The following RYR2 variants were observed in gnomAD, a reference collection of about 807,000 sequenced individuals.
RYR2 encodes the protein cardiac muscle ryanodine receptor-calcium release channel.
RYR2 carries 227 observed loss-of-function variants against 601.1 expected under a neutral mutation model. The observed-to-expected ratio is 0.38, with a 90% CI of 0.34 to 0.42. RYR2 has a LOEUF of 0.42. Among genes scored for constraint, RYR2 ranks in the 10% least tolerant of loss-of-function variants. RYR2 has a pLI of 1.00. For synonymous variants in RYR2, 2,223 were observed against 2,175.1 expected (o/e 1.02, Z -0.61); for missense variants, 4,646 against 6,156.5 (o/e 0.75, Z 8.21).
intron 1 of RYR2, among the ~76,000 whole-genome samples, chr1:237,192,153 A>T (rs1373094330): frequency 6.6e-6 from 1 of 151,066 alleles, no homozygotes; most frequent in Non-Finnish European, 1.5e-5. Flanking sequence ...GCATCACAAT[A>T]CTGCGGCCTC....
At chr1:237,172,431 A>G (rs1677506952) in intron 1 of RYR2, among the ~76,000 whole-genome samples, 1 of 152,144 alleles carries the variant, frequency 6.6e-6, no homozygotes, top group South Asian at 2.1e-4. Context: ...TTTACAGGCC[A>G]TTGTACAGAA....
intron 2 of RYR2, among the ~76,000 whole-genome samples, chr1:237,303,952 T>C (rs530169443): frequency 2.6e-5 from 4 of 152,314 alleles, no homozygotes; most frequent in Non-Finnish European, 1.5e-5. Context: ...TTTTCCTTTT[T>C]TTGTGTAAAT....
At chr1:237,289,230 T>C (rs1031269593) in intron 2 of RYR2, among the ~76,000 whole-genome samples, 1 of 152,164 alleles carries the variant, frequency 6.6e-6, no homozygotes, top group Non-Finnish European at 1.5e-5. Context: ...GCTGGTTTGT[T>C]CTTGCAGCTG....
At chr1:237,513,919 A>G (rs1666162645) in intron 24 of RYR2, among the ~76,000 whole-genome samples, 1 of 152,220 alleles carries the variant, frequency 6.6e-6, no homozygotes, top group Non-Finnish European at 1.5e-5. Context: ...AAATAAACAC[A>G]TTAGGCATAA....
At chr1:237,117,269 G>A (rs943091023) in intron 1 of RYR2, among the ~76,000 whole-genome samples, 2 of 152,108 alleles carry the variant, frequency 1.3e-5, no homozygotes, top group Admixed American at 6.6e-5. Flanking sequence ...CAGGATGGGG[G>A]ACATGGTGGG....
chr1:237,179,055 T>G (rs192176016), intron 1 of RYR2, among the ~76,000 whole-genome samples: 20 of 152,332 alleles, frequency 1.3e-4, no homozygotes, highest in African/African-American at 4.8e-4. Flanking sequence ...AATGTCATCT[T>G]GCTGAATTAT....
In RYR2 at chr1:237,792,151, G is replaced by T; in HGVS notation, c.13610G>T (p.Ser4537Ile). 1.2e-6 allele frequency: 2 copies of T among 1,610,478 alleles called. No individual in the cohort carries two copies. The highest frequency in any genetic ancestry group is 1.7e-6 in the Non-Finnish European group (2 of 1,178,322). The stretch of plus-strand genomic sequence containing the variant: ...GAAGGAAAGGAGCTCCCCACGAGAA[G>T]TTCAAGTGAAAATGCCAAAGTGACA... ...VVEGKELPTR[S>I]SSENAKVTSL... is the part of the protein sequence containing the mutation. Residue 4537 changes from serine (S) to isoleucine (I), a missense_variant, in exon 94 of 105, where the codon AGT (serine) becomes ATT (isoleucine). By Grantham distance (142) the Ser-to-Ile change is moderately radical (BLOSUM62 -2). This residue lies in a region of RYR2 where 364 missense variants were observed against 442.9 expected (regional missense o/e 0.82). Transcript: ENST00000366574.
chr1:237,115,378 G>A (rs1347984753), intron 1 of RYR2, among the ~76,000 whole-genome samples: 1 of 152,144 alleles, frequency 6.6e-6, no homozygotes, highest in Non-Finnish European at 1.5e-5. Context: ...GATCCATAAG[G>A]ACTGCAGAGA....
chr1:237,479,653 C>G (rs755800213), intron 17 of RYR2, among the ~76,000 whole-genome samples: 9 of 152,190 alleles, frequency 5.9e-5, no homozygotes, highest in Non-Finnish European at 1.3e-4. Context: ...TTAGAGCAAA[C>G]AGTTACATCT....
intron 1 of RYR2, among the ~76,000 whole-genome samples, chr1:237,145,785 C>G (rs1673937834): frequency 6.6e-6 from 1 of 152,114 alleles, no homozygotes; most frequent in South Asian, 2.1e-4. Context: ...GCAAGGAATA[C>G]TGGGAAACTG....
chr1:237,587,194 C>T (rs1674620705), intron 29 of RYR2, among the ~76,000 whole-genome samples: 1 of 152,172 alleles, frequency 6.6e-6, no homozygotes, highest in East Asian at 1.9e-4. Flanking sequence ...AATTGCTCTA[C>T]ATAAATCTTA....
chr1:237,312,517 C>A (rs1694680559), intron 2 of RYR2, among the ~76,000 whole-genome samples: 1 of 152,124 alleles, frequency 6.6e-6, no homozygotes, highest in African/African-American at 2.4e-5. Context: ...GCGAAGATGA[C>A]ATTTTTAACA....
intron 24 of RYR2, among the ~76,000 whole-genome samples, chr1:237,514,422 T>C (rs1158369684): frequency 6.6e-6 from 1 of 152,248 alleles, no homozygotes; most frequent in Non-Finnish European, 1.5e-5. Context: ...CTCTGATGAA[T>C]GTAAATCACC....
rs546905014 is a variant in RYR2 at position 237,461,566 on chromosome 1, C to T, written c.1612+4831C>T. Among the ~76,000 whole-genome samples, 6 of 152,140 alleles carry T rather than the reference C, an allele frequency of 3.9e-5. No homozygotes were observed. In the South Asian group the frequency reaches 6.2e-4, roughly 16 times the overall value. On this transcript the variant is annotated intron_variant, in intron 16 of 104. Transcript: ENST00000366574. Reference sequence around the variant, plus strand: ...GATGTCGCTGATTCTGTCTAGTTAGCGGGCTACAACTTGGGAGAGAGATCT... The same window carrying T: ...GATGTCGCTGATTCTGTCTAGTTAGTGGGCTACAACTTGGGAGAGAGATCT...
chr1:237,832,789 C>T lies in RYR2; in HGVS notation c.*142C>T, dbSNP rs552725083. 218 of 538,328 alleles carry T rather than the reference C, an allele frequency of 4.0e-4. 4 individuals carry two copies. The Middle Eastern group carries it at 0.012, about 30-fold the overall frequency. 33.3% of individuals were successfully genotyped at this position (538,328 alleles called of 1,614,324 possible). ...TTCTGGGAGCATCGAAGCTCTGTTT[C>T]GGAAGAGCTGTTTCCTCCCCCCACC... On this transcript the variant is annotated 3_prime_UTR_variant, in exon 105 of 105. Coordinates refer to ENST00000366574, the MANE Select transcript of RYR2 (RefSeq NM_001035.3).
chr1:237,297,440 C>CA (rs1176954527), intron 2 of RYR2, among the ~76,000 whole-genome samples: 1 of 152,034 alleles, frequency 6.6e-6, no homozygotes. Context: ...ATACCCTACC[C>CA]ACAGGAAAGA....
intron 3 of RYR2, among the ~76,000 whole-genome samples, chr1:237,338,311 A>G (rs1386353758): frequency 6.6e-6 from 1 of 152,152 alleles, no homozygotes; most frequent in Non-Finnish European, 1.5e-5. Flanking sequence ...GTACATACCA[A>G]TTTATAGATT....
intron 58 of RYR2, among the ~76,000 whole-genome samples, chr1:237,671,915 C>A (rs1027630621): frequency 1.3e-5 from 2 of 151,476 alleles, no homozygotes; most frequent in Non-Finnish European, 1.5e-5. Context: ...CACAGACAGC[C>A]CACTGCTGTC....
At chr1:237,137,236 A>T (rs1174251092) in intron 1 of RYR2, among the ~76,000 whole-genome samples, 1 of 152,128 alleles carries the variant, frequency 6.6e-6, no homozygotes, top group Non-Finnish European at 1.5e-5. Context: ...TGCTGGTGGA[A>T]GGAGCCTGGG....
Sources: gnomAD v4.1 joint callset for allele counts (sites outside exome capture counted in the v4.1 genomes callset) on GRCh38, gnomAD v4.1.1 for gene constraint, gnomAD v4.1.1 regional missense constraint, MANE v1.5 for transcripts, NCBI Gene and HGNC (gene_info 2026-07-23, HGNC 2026-07-21) for gene names.